CNTNAP5: variants seen among roughly 807,000 people sequenced by gnomAD.
The protein encoded by CNTNAP5 is contactin-associated protein-like 5.
In CNTNAP5, 72 loss-of-function variants were observed where a neutral mutation model predicts 150.2. That is an observed-to-expected ratio of 0.48 (90% CI 0.40 to 0.58). The LOEUF (loss-of-function observed/expected upper bound fraction) is 0.58. CNTNAP5 is among the 20% of genes least tolerant of loss of function. The pLI is 0.00. For missense variants in CNTNAP5, 1,636 were observed against 1,626.2 expected, an observed-to-expected ratio of 1.01 and a Z score of -0.10; for synonymous variants, 672 against 619.8, an observed-to-expected ratio of 1.08 and a Z score of -1.25.
rs542729767 is a variant in CNTNAP5 at position 124,404,412 on chromosome 2, C to T, written c.382-13031C>T. On this transcript the variant is annotated intron_variant, in intron 3 of 23. Transcript: ENST00000682447. ...GAATCCAAATGAGTGGCTCTGGTGG[C>T]AGCCAGCTCAGACCTGTCCACTCTC... Among the ~76,000 whole-genome samples, 364 of 152,304 alleles carry T rather than the reference C, an allele frequency of 2.4e-3. 1 individual carries two copies. Among genetic ancestry groups the T allele is most frequent in the Non-Finnish European group, 3.7e-3 (249 of 68,026 alleles).
chr2:124,527,473 C>A lies in CNTNAP5; in HGVS notation c.1649+17C>A. On this transcript the variant is annotated intron_variant, in intron 10 of 23. Coordinates refer to ENST00000682447, the MANE Select transcript of CNTNAP5 (RefSeq NM_001367498.1). ...CAAAGACAGGTAATTATTGTCTCTT[C>A]TCCTCTGTTCTGCCACCCCCTTCCC... The A allele has an allele frequency of 6.3e-7, 1 of 1,588,960 alleles. No homozygotes were observed.
At chr2:124,441,830 G>A (rs540466825) in intron 5 of CNTNAP5, among the ~76,000 whole-genome samples, 59 of 150,816 alleles carry the variant, frequency 3.9e-4, no homozygotes, top group African/African-American at 1.2e-3. Flanking sequence ...AGAATTGGTG[G>A]GACTCAATTT....
At chr2:124,255,360 T>C (rs1687281270) in intron 3 of CNTNAP5, among the ~76,000 whole-genome samples, 1 of 151,594 alleles carries the variant, frequency 6.6e-6, no homozygotes, top group African/African-American at 2.4e-5. Context: ...CCATCTTTAC[T>C]AAAAATACAA....
rs187318244 is a variant in CNTNAP5 at position 124,807,296 on chromosome 2, C to T, written c.3217+8976C>T. Among the ~76,000 whole-genome samples the T allele has an allele frequency of 6.7e-4, 102 of 152,258 alleles. 1 individual carries two copies. In the South Asian group the frequency reaches 0.015, roughly 22 times the overall value. ...GTTAAGAAATAAGGACTCTGACTGT[C>T]GGATGCCCTGTTCTAAATCTGCAGT... On this transcript the variant is annotated intron_variant, in intron 19 of 23. Transcript: ENST00000682447.
Position 124,247,217 on chromosome 2 carries a change from A to G in CNTNAP5, c.381+4824A>G, listed in dbSNP as rs562787137. Among the ~76,000 whole-genome samples, 13 of 152,024 alleles carry G rather than the reference A, an allele frequency of 8.6e-5. No homozygotes were observed. The South Asian group carries it at 1.9e-3, about 22-fold the overall frequency. The stretch of plus-strand genomic sequence containing the variant: ...GATCACTGTTTGATATAGTATTTTA[A>G]CCCTACCAATTTCAGAAAACAATTT... On this transcript the variant is annotated intron_variant, in intron 3 of 23. Coordinates refer to ENST00000682447, the MANE Select transcript of CNTNAP5 (RefSeq NM_001367498.1).
intron 3 of CNTNAP5, among the ~76,000 whole-genome samples, chr2:124,340,725 C>A (rs1459041767): frequency 6.6e-6 from 1 of 150,802 alleles, no homozygotes; most frequent in African/African-American, 2.4e-5. Context: ...TCAAGATCAT[C>A]CAGGGCAACA....
chr2:124,446,244 T>G (rs1007273687), intron 5 of CNTNAP5, among the ~76,000 whole-genome samples: 1 of 152,170 alleles, frequency 6.6e-6, no homozygotes, highest in Admixed American at 6.5e-5. Context: ...AAGTTATTTC[T>G]TCCTAAGTGC....
At chr2:124,143,702 A>C (rs62163886) in intron 1 of CNTNAP5, among the ~76,000 whole-genome samples, 18,274 of 130,184 alleles carry the variant, frequency 0.14, 1,470 homozygotes, top group Non-Finnish European at 0.18. Flanking sequence ...ATGGGCAAAA[A>C]CTGGAAGCAT....
chr2:124,211,703 T>C (rs540424547), intron 1 of CNTNAP5, among the ~76,000 whole-genome samples: 2 of 152,318 alleles, frequency 1.3e-5, no homozygotes, highest in South Asian at 4.1e-4. Flanking sequence ...CCCCATTGGT[T>C]GTGCTATTAG....
intron 3 of CNTNAP5, among the ~76,000 whole-genome samples, chr2:124,339,111 C>T (rs1268435209): frequency 6.6e-6 from 1 of 152,122 alleles, no homozygotes; most frequent in Non-Finnish European, 1.5e-5. Context: ...CACACTGTAA[C>T]TTTGAGAGGT....
intron 1 of CNTNAP5, among the ~76,000 whole-genome samples, chr2:124,190,074 ACAAAAC>A (rs1685424780): frequency 6.6e-6 from 1 of 152,246 alleles, no homozygotes; most frequent in Non-Finnish European, 1.5e-5. Context: ...AAAAGAAGAT[ACAAAAC>A]CTTCATGCTT....
At chr2:124,301,324 A>G (rs1250342031) in intron 3 of CNTNAP5, among the ~76,000 whole-genome samples, 1 of 152,212 alleles carries the variant, frequency 6.6e-6, no homozygotes, top group Non-Finnish European at 1.5e-5. Flanking sequence ...CAATTTGCGA[A>G]CTAACATTGC....
intron 1 of CNTNAP5, among the ~76,000 whole-genome samples, chr2:124,179,712 T>A (rs1285753774): frequency 6.6e-6 from 1 of 152,158 alleles, no homozygotes; most frequent in African/African-American, 2.4e-5. Context: ...AGGGGTTGGG[T>A]TATTCCAAAT....
intron 13 of CNTNAP5, among the ~76,000 whole-genome samples, chr2:124,707,207 T>TGAAGAAGAAGAAGAAGAAGAAG (rs1436560435): frequency 1.0e-5 from 1 of 99,776 alleles, no homozygotes; most frequent in East Asian, 3.3e-4. Context: ...AGAAGAAGAA[T>TGAAGAAGAAGAAGAAGAAGAAG]AAACAACTTG....
intron 13 of CNTNAP5, among the ~76,000 whole-genome samples, chr2:124,735,835 GA>G (rs1680371207): frequency 6.6e-6 from 1 of 152,158 alleles, no homozygotes; most frequent in African/African-American, 2.4e-5. Flanking sequence ...TGAGAGGGTT[GA>G]ATGAGTTATG....
At chr2:124,371,426 A>G (rs545189505) in intron 3 of CNTNAP5, among the ~76,000 whole-genome samples, 2 of 152,244 alleles carry the variant, frequency 1.3e-5, no homozygotes, top group East Asian at 3.9e-4. Flanking sequence ...TTCCCCTAGA[A>G]AACCTTGTAA....
intron 1 of CNTNAP5, among the ~76,000 whole-genome samples, chr2:124,052,572 C>G (rs1457221637): frequency 6.6e-6 from 1 of 152,210 alleles, no homozygotes; most frequent in Admixed American, 6.5e-5. Flanking sequence ...AGTTCCCATT[C>G]AACAATTATT....
At chr2:124,790,258 T>C (rs1681697633) in intron 18 of CNTNAP5, 117 bp downstream of exon 18, 9 of 1,134,514 alleles carry the variant, frequency 7.9e-6, no homozygotes, top group Non-Finnish European at 9.9e-6. Flanking sequence ...TCCCGCTGTT[T>C]AGAGAGTCTG....
At chr2:124,762,463 A>G (rs1680979302) in intron 14 of CNTNAP5, among the ~76,000 whole-genome samples, 1 of 152,138 alleles carries the variant, frequency 6.6e-6, no homozygotes, top group Admixed American at 6.6e-5. Flanking sequence ...CTGGGGCCAC[A>G]GAGTAGTTCA....
Sources: gnomAD v4.1 joint callset for allele counts (sites outside exome capture counted in the v4.1 genomes callset) on GRCh38, gnomAD v4.1.1 for gene constraint, MANE v1.5 for transcripts, NCBI Gene and HGNC (gene_info 2026-07-23, HGNC 2026-07-21) for gene names.